Variants in PDS5A observed in about 807,000 individuals in gnomAD.
The protein encoded by PDS5A is PDS5 cohesin associated factor A.
Under a neutral mutation model 167.1 loss-of-function variants are expected in PDS5A, and 42 were observed. The ratio of observed to expected loss-of-function variants is 0.25; its 90% CI spans 0.20 to 0.33. The LOEUF (loss-of-function observed/expected upper bound fraction) is 0.33, where lower values mean the gene tolerates loss of function less well. Ranked by LOEUF, PDS5A falls within the 10% of genes least tolerant of loss-of-function variation. PDS5A has a pLI of 1.00. For synonymous variants in PDS5A, 553 were observed against 554.6 expected, an observed-to-expected ratio of 1.00 and a Z score of 0.04; for missense variants, 1,033 against 1,605.9, an observed-to-expected ratio of 0.64 and a Z score of 6.10.
intron 10 of PDS5A, 140 bp from the exon 11 acceptor site, chr4:39,908,680 G>A: frequency 1.6e-6 from 1 of 624,534 alleles, no homozygotes; most frequent in Admixed American, 2.9e-5. Flanking sequence ...ATTAAATCAT[G>A]TTATTTTTAC....
rs560947910 is a variant in PDS5A at position 39,938,005 on chromosome 4, T to A, written c.139-9841A>T. ...GTAAAAAGACTGTAACCTACTCTCC[T>A]ACCAATCACACAGAATTGTGGCCAA... On this transcript the variant is annotated intron_variant, in intron 2 of 32. Coordinates refer to ENST00000303538, the MANE Select transcript of PDS5A (RefSeq NM_001100399.2). 3.9e-5 allele frequency among the ~76,000 whole-genome samples: 6 copies of A among 152,336 alleles called. No individual in the cohort carries two copies. The East Asian group carries it at 1.2e-3, about 29-fold the overall frequency.
At position 39,864,975 on chromosome 4, in the gene PDS5A, ATAC is replaced by A. The variant is rs377422681; in HGVS notation, c.2643-1519_2643-1517del. 2.0e-4 allele frequency among the ~76,000 whole-genome samples: 30 copies of A among 152,292 alleles called. No homozygotes were observed. The East Asian group carries it at 5.4e-3, about 27-fold the overall frequency. On this transcript the variant is annotated intron_variant, in intron 23 of 32. Transcript: ENST00000303538. ...GTATAAGCTTTCATATGATTCTTTTATACTCATGAATTATGAGTGTAAAAATAA... is the reference window on the plus strand; with the variant it reads ...GTATAAGCTTTCATATGATTCTTTTATCATGAATTATGAGTGTAAAAATAA...
intron 26 of PDS5A, among the ~76,000 whole-genome samples, chr4:39,855,350 C>A (rs1718448494): frequency 6.6e-6 from 1 of 152,088 alleles, no homozygotes; most frequent in Non-Finnish European, 1.5e-5. Flanking sequence ...CCTACAAGAA[C>A]CAAAAGCAAT....
At chr4:39,870,957 A>G (rs1719977519) in intron 21 of PDS5A, among the ~76,000 whole-genome samples, 1 of 152,224 alleles carries the variant, frequency 6.6e-6, no homozygotes, top group East Asian at 1.9e-4. Flanking sequence ...TACAAACAAA[A>G]ATATACATAT....
chr4:39,843,988 T>A (rs1011345233), intron 30 of PDS5A, among the ~76,000 whole-genome samples: 6 of 151,286 alleles, frequency 4.0e-5, no homozygotes, highest in African/African-American at 1.5e-4. Context: ...TTATGAAAAG[T>A]ACAAAAGAAA....
At chr4:39,880,210 A>G (rs185205456) in intron 17 of PDS5A, among the ~76,000 whole-genome samples, 5 of 152,314 alleles carry the variant, frequency 3.3e-5, no homozygotes, top group African/African-American at 7.2e-5. Flanking sequence ...AAAAATACAA[A>G]TAATAAACAT....
At chr4:39,919,897 C>T (rs548723424) in intron 7 of PDS5A, among the ~76,000 whole-genome samples, 1 of 150,032 alleles carries the variant, frequency 6.7e-6, no homozygotes, top group South Asian at 2.1e-4. Context: ...GGCAAAACAA[C>T]CAAACCATTT....
At chr4:39,900,295 A>C (rs1722767251) in intron 14 of PDS5A, 131 bp downstream of exon 14, 1 of 610,516 alleles carries the variant, frequency 1.6e-6, no homozygotes, top group South Asian at 2.1e-5. Context: ...ACAACTACAG[A>C]AATTATATTT....
At chr4:39,876,028 T>C (rs767926260) in intron 19 of PDS5A, among the ~76,000 whole-genome samples, 5 of 152,112 alleles carry the variant, frequency 3.3e-5, no homozygotes, top group Non-Finnish European at 7.4e-5. Context: ...TCTCCATTGG[T>C]CTTATGAATA....
Position 39,937,252 on chromosome 4 carries a change from G to A in PDS5A, c.139-9088C>T, listed in dbSNP as rs376948327. 1.8e-4 allele frequency among the ~76,000 whole-genome samples: 28 copies of A among 152,212 alleles called. No homozygotes were observed. In the East Asian group the frequency reaches 2.7e-3, roughly 15 times the overall value. On this transcript the variant is annotated intron_variant, in intron 2 of 32. Coordinates refer to ENST00000303538, the MANE Select transcript of PDS5A (RefSeq NM_001100399.2). ...CACTGCCAGGAGCTGCCTCATTAGC[G>A]TAACAAAGACACTCTCACTTGGGAA...
At chr4:39,898,708 C>A in intron 15 of PDS5A, 69 bp downstream of exon 15, 2 of 1,001,448 alleles carry the variant, frequency 2.0e-6, no homozygotes, top group Non-Finnish European at 1.5e-6. Context: ...AATCAGTAGT[C>A]CCACTGGGTA....
intron 5 of PDS5A, among the ~76,000 whole-genome samples, chr4:39,925,410 C>T (rs1246870264): frequency 2.0e-5 from 3 of 152,156 alleles, no homozygotes; most frequent in South Asian, 2.1e-4. Flanking sequence ...TGAGCTATTA[C>T]GTCTCCCAGA....
At chr4:39,924,813 A>C (rs989019238) in intron 5 of PDS5A, among the ~76,000 whole-genome samples, 1 of 152,240 alleles carries the variant, frequency 6.6e-6, no homozygotes, top group African/African-American at 2.4e-5. Context: ...TTAATTTACT[A>C]TACAAAAAAC....
chr4:39,911,610 A>G (rs930841279), intron 9 of PDS5A, among the ~76,000 whole-genome samples: 1 of 152,092 alleles, frequency 6.6e-6, no homozygotes, highest in Non-Finnish European at 1.5e-5. Context: ...AGGCGGGCAA[A>G]TCACGAGGTC....
Position 39,926,845 on chromosome 4 carries a change from A to G in PDS5A, c.359T>C (p.Ile120Thr). Residue 120 changes from isoleucine to threonine, a missense_variant, in exon 4 of 33, where the codon ATT becomes ACT. Physicochemically the swap from Ile to Thr is moderately conservative, Grantham distance 89. Around this residue, in one of 4 missense-constraint regions of PDS5A, gnomAD observed 388 missense variants for 615.1 expected, o/e 0.63. Transcript: ENST00000303538. Reference sequence around the variant, plus strand: ...CTCCAAACCTTTTAATTGTCTGGTAATAAACAAAAATATGTCCTGTTAAAA... The same window carrying G: ...CTCCAAACCTTTTAATTGTCTGGTAGTAAACAAAAATATGTCCTGTTAAAA... ...HDKLKDIFLF[I>T]TRQLKGLEDT... 7.1e-7 allele frequency: 1 copy of G among 1,417,640 alleles called. No individual in the cohort carries two copies. The allele number at this position is 1,417,640 out of a possible 1,614,324, so 87.8% of individuals were successfully genotyped here.
At chr4:39,872,059 A>C (rs1720087211) in intron 21 of PDS5A, among the ~76,000 whole-genome samples, 6 of 152,108 alleles carry the variant, frequency 3.9e-5, no homozygotes, top group Admixed American at 2.0e-4. Flanking sequence ...GAGTCTTTTC[A>C]ATCTATACAT....
rs1715180530 is a variant in PDS5A, at chr4:39,825,182, G to C, written c.*303C>G. 2 of 297,998 alleles carry C rather than the reference G, an allele frequency of 6.7e-6. No homozygotes were observed. Among genetic ancestry groups the C allele is most frequent in the Non-Finnish European group, 1.2e-5 (2 of 162,470 alleles). The allele number at this position is 297,998 out of a possible 1,614,324, so 18.5% of individuals were successfully genotyped here. ...ACGCATTTAAACTCCAGATAGGCAG[G>C]AACTGGAACCAAGTGTTAAGCAATT... On this transcript the variant is annotated 3_prime_UTR_variant, in exon 33 of 33. Coordinates refer to ENST00000303538, the MANE Select transcript of PDS5A (RefSeq NM_001100399.2).
At chr4:39,952,418 A>G (rs1048367333) in intron 2 of PDS5A, among the ~76,000 whole-genome samples, 1 of 152,230 alleles carries the variant, frequency 6.6e-6, no homozygotes, top group African/African-American at 2.4e-5. Context: ...TAAATGAGTT[A>G]ATTATAGGAG....
At chr4:39,849,918 T>G (rs936011523) in intron 26 of PDS5A, among the ~76,000 whole-genome samples, 11 of 152,240 alleles carry the variant, frequency 7.2e-5, no homozygotes, top group African/African-American at 2.4e-4. Flanking sequence ...TAGCTGGATA[T>G]GGTGGCTCGT....
Sources: allele counts gnomAD v4.1 joint callset (sites outside exome capture counted in the v4.1 genomes callset), GRCh38; gene constraint gnomAD v4.1.1; regional missense constraint gnomAD v4.1.1; transcripts MANE v1.5; gene names NCBI Gene and HGNC (gene_info 2026-07-23, HGNC 2026-07-21).